CDK14: variants seen among roughly 807,000 people sequenced by gnomAD.
CDK14 encodes cyclin-dependent kinase 14.
CDK14 carries 34 observed loss-of-function variants against 60.7 expected under a neutral mutation model. The ratio of observed to expected loss-of-function variants is 0.56; its 90% CI spans 0.43 to 0.75. CDK14 has a LOEUF of 0.75. Ranked by LOEUF, CDK14 falls within the 30% of genes least tolerant of loss-of-function variation. The pLI, the probability that CDK14 is intolerant of heterozygous loss-of-function variation, is 0.00. For missense variants in CDK14, 482 were observed against 564.1 expected (o/e 0.85, Z 1.47); for synonymous variants, 197 against 203.7 (o/e 0.97, Z 0.28).
chr7:91,010,825 C>T (rs1363850033), intron 10 of CDK14, among the ~76,000 whole-genome samples: 59 of 75,514 alleles, frequency 7.8e-4, no homozygotes, highest in Non-Finnish European at 1.7e-3. Flanking sequence ...TCCTTCCTTC[C>T]TTCCTTCCTC....
intron 11 of CDK14, among the ~76,000 whole-genome samples, chr7:91,057,775 T>C (rs1797630809): frequency 6.6e-6 from 1 of 152,234 alleles, no homozygotes; most frequent in Admixed American, 6.5e-5. Context: ...ATCTCTGTTT[T>C]GGTACCAATA....
At chr7:90,675,373 G>A (rs1461946128) in intron 2 of CDK14, among the ~76,000 whole-genome samples, 1 of 143,576 alleles carries the variant, frequency 7.0e-6, no homozygotes, top group Non-Finnish European at 1.5e-5. Context: ...TTGTTTGAAT[G>A]CTTTGCTTTT....
intron 12 of CDK14, among the ~76,000 whole-genome samples, chr7:91,102,168 C>G (rs1355848259): frequency 6.6e-6 from 1 of 152,104 alleles, no homozygotes; most frequent in Non-Finnish European, 1.5e-5. Flanking sequence ...TTGAAGGGAT[C>G]CAGGCTCTGT....
chr7:91,151,636 C>T (rs777505160), intron 14 of CDK14, among the ~76,000 whole-genome samples: 1 of 152,168 alleles, frequency 6.6e-6, no homozygotes, highest in Non-Finnish European at 1.5e-5. Context: ...TTTGGAATGA[C>T]ATCCCTCTTG....
At chr7:90,874,752 T>C (rs10953024) in intron 6 of CDK14, among the ~76,000 whole-genome samples, 18,068 of 150,318 alleles carry the variant, frequency 0.12, 1,650 homozygotes, top group East Asian at 0.46. Context: ...ATGGTCTCGA[T>C]CTCCTGACCT....
At chr7:91,194,447 G>A (rs1161345132) in intron 14 of CDK14, among the ~76,000 whole-genome samples, 1 of 151,640 alleles carries the variant, frequency 6.6e-6, no homozygotes, top group East Asian at 1.9e-4. Context: ...TTTTCAATTT[G>A]TATACTTTAC....
intron 2 of CDK14, among the ~76,000 whole-genome samples, chr7:90,695,673 A>G (rs1584798708): frequency 6.6e-6 from 1 of 151,824 alleles, no homozygotes; most frequent in Non-Finnish European, 1.5e-5. Flanking sequence ...CAGGGAAGGC[A>G]TTTCTGAGAA....
At chr7:90,642,274 T>C (rs545815917) in intron 2 of CDK14, among the ~76,000 whole-genome samples, 1 of 152,366 alleles carries the variant, frequency 6.6e-6, no homozygotes, top group South Asian at 2.1e-4. Context: ...CAAATACACA[T>C]GTGATGAACT....
At chr7:90,788,361 A>C (rs1805685189) in intron 4 of CDK14, among the ~76,000 whole-genome samples, 1 of 152,188 alleles carries the variant, frequency 6.6e-6, no homozygotes, top group Non-Finnish European at 1.5e-5. Flanking sequence ...TGAAGAGTAC[A>C]AGGTGCAGTC....
Position 90,863,226 on chromosome 7 carries a change from TCATC to T in CDK14, c.600_603del (p.His201ProfsTer5), listed in dbSNP as rs1791064452. 3 of 1,610,834 alleles carry T rather than the reference TCATC, an allele frequency of 1.9e-6. No individual in the cohort carries two copies. Among genetic ancestry groups the T allele is most frequent in the Non-Finnish European group, 2.5e-6 (3 of 1,177,634 alleles). ...GCTAACATAGTGCTACTTCATGACA[TCATC>T]CATACCAAGGAGACGCTGACACTTG... On this transcript the variant is annotated frameshift_variant, in exon 6 of 15. Coordinates refer to ENST00000380050, the MANE Select transcript of CDK14 (RefSeq NM_001287135.2). LOFTEE classifies it high-confidence loss of function.
At chr7:91,199,162 C>T (rs1375190856) in intron 14 of CDK14, among the ~76,000 whole-genome samples, 2 of 152,104 alleles carry the variant, frequency 1.3e-5, no homozygotes, top group South Asian at 2.1e-4. Flanking sequence ...CTTCAAATAA[C>T]ATGAAATCTT....
chr7:91,176,953 A>T (rs1238186246), intron 14 of CDK14, among the ~76,000 whole-genome samples: 1 of 152,140 alleles, frequency 6.6e-6, no homozygotes, highest in Non-Finnish European at 1.5e-5. Flanking sequence ...TCCCTAACTC[A>T]TTTTATGAGG....
chr7:90,955,898 T>C (rs1215665400), intron 9 of CDK14, 81 bp downstream of exon 9: 30 of 1,521,626 alleles, frequency 2.0e-5, no homozygotes, highest in South Asian at 1.2e-5. Flanking sequence ...TCCTAACAGT[T>C]TGAATGAAGA....
At chr7:90,773,473 G>A (rs1804867927) in intron 4 of CDK14, among the ~76,000 whole-genome samples, 1 of 152,198 alleles carries the variant, frequency 6.6e-6, no homozygotes, top group South Asian at 2.1e-4. Flanking sequence ...AGGGCCTGCC[G>A]CATAGTGGAT....
chr7:91,009,816 G>A (rs1025201702), intron 10 of CDK14, among the ~76,000 whole-genome samples: 1 of 152,068 alleles, frequency 6.6e-6, no homozygotes, highest in South Asian at 2.1e-4. Flanking sequence ...TGAAGAGCAA[G>A]AGACATAATT....
chr7:90,849,343 G>A (rs1790569097), intron 5 of CDK14, among the ~76,000 whole-genome samples: 1 of 151,994 alleles, frequency 6.6e-6, no homozygotes, highest in African/African-American at 2.4e-5. Flanking sequence ...TGAGTGCCAT[G>A]CTTATATAGC....
intron 12 of CDK14, among the ~76,000 whole-genome samples, chr7:91,111,298 G>T (rs2116348782): frequency 6.6e-6 from 1 of 152,272 alleles, no homozygotes; most frequent in East Asian, 1.9e-4. Context: ...AATTGGTTGA[G>T]GAGGGGAAGG....
At chr7:90,854,078 G>A (rs1790740951) in intron 5 of CDK14, among the ~76,000 whole-genome samples, 1 of 152,098 alleles carries the variant, frequency 6.6e-6, no homozygotes, top group South Asian at 2.1e-4. Flanking sequence ...TTGGGTGCTG[G>A]GACTTGTAGC....
intron 5 of CDK14, among the ~76,000 whole-genome samples, chr7:90,812,306 T>A (rs1019671139): frequency 7.2e-5 from 11 of 152,252 alleles, no homozygotes; most frequent in Non-Finnish European, 1.6e-4. Context: ...GATGAGTTCA[T>A]GTCTTTTGTA....
Sources: allele counts gnomAD v4.1 joint callset (sites outside exome capture counted in the v4.1 genomes callset), GRCh38; gene constraint gnomAD v4.1.1; transcripts MANE v1.5; gene names NCBI Gene and HGNC (gene_info 2026-07-23, HGNC 2026-07-21).